The following HYCC2 variants were observed in gnomAD, a reference collection of about 807,000 sequenced individuals.
HYCC2 encodes hyccin PI4KA lipid kinase complex subunit 2.
the HYCC2 span, among the ~76,000 whole-genome samples, chr2:201,032,637 C>T: frequency 6.6e-6 from 1 of 152,098 alleles, no homozygotes; most frequent in South Asian, 2.1e-4. Context: ...ATTATCTTTT[C>T]TAACTAGTTA....
the HYCC2 span, among the ~76,000 whole-genome samples, chr2:200,990,575 TTTTC>T: frequency 3.3e-5 from 5 of 150,412 alleles, no homozygotes; most frequent in South Asian, 8.4e-4. Context: ...CTAAATTTTT[TTTTC>T]TTTTTTTTTT....
chr2:201,005,190 G>C, the HYCC2 span, among the ~76,000 whole-genome samples: 7 of 152,110 alleles, frequency 4.6e-5, no homozygotes, highest in African/African-American at 1.2e-4. Context: ...AGGTATGAAG[G>C]GTTGGCTTAT....
At chr2:201,023,217 C>T in the HYCC2 span, among the ~76,000 whole-genome samples, 79 of 151,966 alleles carry the variant, frequency 5.2e-4, 1 homozygote, top group South Asian at 0.015. Flanking sequence ...GGCGTGGTGG[C>T]GGGTGCCTGT....
At chr2:201,043,452 AAG>A in the HYCC2 span, among the ~76,000 whole-genome samples, 2 of 150,348 alleles carry the variant, frequency 1.3e-5, no homozygotes, top group African/African-American at 2.4e-5. Flanking sequence ...AAAAAAAAGA[AAG>A]AAAAATAGAA....
the HYCC2 span, among the ~76,000 whole-genome samples, chr2:201,033,123 C>A: frequency 7.3e-6 from 1 of 137,182 alleles, no homozygotes; most frequent in Non-Finnish European, 1.5e-5. Flanking sequence ...ACATAAACTG[C>A]CTTTAGAAAT....
chr2:200,974,783 T>C, the HYCC2 span: 1 of 151,968 alleles, frequency 6.6e-6, no homozygotes, highest in Non-Finnish European at 1.5e-5. Flanking sequence ...AATCATTTAG[T>C]TCTTATTGGG....
the HYCC2 span, among the ~76,000 whole-genome samples, chr2:201,027,649 G>C: frequency 1.3e-5 from 2 of 151,748 alleles, no homozygotes; most frequent in East Asian, 3.9e-4. Flanking sequence ...GGGATGCAAG[G>C]CTGGTTCAAC....
the HYCC2 span, among the ~76,000 whole-genome samples, chr2:201,034,443 G>C: frequency 6.6e-6 from 1 of 151,482 alleles, no homozygotes; most frequent in African/African-American, 2.4e-5. Flanking sequence ...GCTTTTTTTT[G>C]TTTTCCATTT....
chr2:200,981,648 G>T, the HYCC2 span: 159 of 1,613,950 alleles, frequency 9.9e-5, no homozygotes, highest in Middle Eastern at 1.6e-4. This position sits in a 1 kb window ranked among gnomAD's most constrained non-coding sequence, Gnocchi z 4.5. Context: ...CATACTGCTT[G>T]CGAACTACTG....
the HYCC2 span, among the ~76,000 whole-genome samples, chr2:201,055,900 T>TA: frequency 1.3e-5 from 2 of 151,484 alleles, no homozygotes; most frequent in South Asian, 4.2e-4. Context: ...ATCTCTAAAA[T>TA]AAAAATAGCT....
At chr2:201,046,606 T>C in the HYCC2 span, among the ~76,000 whole-genome samples, 1 of 152,226 alleles carries the variant, frequency 6.6e-6, no homozygotes, top group East Asian at 1.9e-4. Context: ...AAGCAGTCTA[T>C]AGGCAGAATG....
the HYCC2 span, among the ~76,000 whole-genome samples, chr2:200,999,348 T>C: frequency 6.6e-6 from 1 of 152,070 alleles, no homozygotes; most frequent in Admixed American, 6.5e-5. Context: ...CAGCCATATA[T>C]TAACATGGTC....
At chr2:201,008,843 A>AGCC in the HYCC2 span, 1 of 617,074 alleles carries the variant, frequency 1.6e-6, no homozygotes, top group Non-Finnish European at 2.9e-6. Context: ...GGCTGCAGTG[A>AGCC]GCCATGTTTG....
At chr2:200,987,710 G>A in the HYCC2 span, among the ~76,000 whole-genome samples, 1 of 152,290 alleles carries the variant, frequency 6.6e-6, no homozygotes, top group South Asian at 2.1e-4. Flanking sequence ...TGAACAATGT[G>A]AGGTTTGCAA....
chr2:201,004,944 G>A, the HYCC2 span, among the ~76,000 whole-genome samples: 1 of 150,480 alleles, frequency 6.6e-6, no homozygotes, highest in African/African-American at 2.5e-5. Context: ...GTGAACCCAG[G>A]AGGCGGAGTT....
the HYCC2 span, among the ~76,000 whole-genome samples, chr2:201,035,588 T>C: frequency 2.0e-5 from 3 of 152,192 alleles, no homozygotes; most frequent in Admixed American, 6.6e-5. Context: ...GTCTGAAGCC[T>C]TCTTCTCTCA....
chr2:201,055,765 AG>A, the HYCC2 span, among the ~76,000 whole-genome samples: 2 of 152,190 alleles, frequency 1.3e-5, no homozygotes, highest in Non-Finnish European at 2.9e-5. Context: ...ACCACCACTT[AG>A]AAAGAAGCAC....
chr2:201,001,944 T>C, the HYCC2 span, among the ~76,000 whole-genome samples: 2 of 152,072 alleles, frequency 1.3e-5, no homozygotes, highest in Non-Finnish European at 2.9e-5. Flanking sequence ...AGTGCTGGGA[T>C]TATAGGCATG....
At chr2:201,031,457 G>C in the HYCC2 span, among the ~76,000 whole-genome samples, 1 of 152,160 alleles carries the variant, frequency 6.6e-6, no homozygotes, top group Admixed American at 6.5e-5. Flanking sequence ...TTCAAGACCA[G>C]CCTCATCAAC....
Sources: gnomAD v4.1 joint callset for allele counts (sites outside exome capture counted in the v4.1 genomes callset) on GRCh38, gnomAD v4.1.1 for gene constraint, Gnocchi (gnomAD v3.1) non-coding constraint, MANE v1.5 for transcripts, NCBI Gene and HGNC (gene_info 2026-07-23, HGNC 2026-07-21) for gene names.